The following CCDC148 variants were observed in gnomAD, a reference collection of about 807,000 sequenced individuals.
The protein encoded by CCDC148 is coiled-coil domain-containing protein 148.
Under a neutral mutation model 85.7 loss-of-function variants are expected in CCDC148, and 89 were observed. That is an observed-to-expected ratio of 1.04 (90% CI 0.87 to 1.24). CCDC148 has a LOEUF of 1.24. Among genes scored for constraint, CCDC148 ranks in the 50% most tolerant of loss-of-function variants. The probability of loss-of-function intolerance (pLI) is 0.00; values close to 1 mark genes in which losing one functional copy is unlikely to be tolerated. For missense variants in CCDC148, 692 were observed against 671.7 expected (o/e 1.03, Z -0.33); for synonymous variants, 230 against 213.9 (o/e 1.08, Z -0.66).
intron 1 of CCDC148, among the ~76,000 whole-genome samples, chr2:158,365,593 G>A (rs1361404724): frequency 1.3e-5 from 2 of 152,096 alleles, no homozygotes; most frequent in African/African-American, 2.4e-5. Flanking sequence ...ACTCATAAGT[G>A]GGAGTTGAAC....
At chr2:158,318,533 T>A (rs899736070) in intron 7 of CCDC148, among the ~76,000 whole-genome samples, 18 of 152,246 alleles carry the variant, frequency 1.2e-4, no homozygotes, top group African/African-American at 4.3e-4. Context: ...GCTAAGAGAT[T>A]TATTTGGAAG....
chr2:158,192,169 T>C (rs1315634945), intron 11 of CCDC148, among the ~76,000 whole-genome samples: 1 of 152,078 alleles, frequency 6.6e-6, no homozygotes, highest in Non-Finnish European at 1.5e-5. Context: ...TGTATATATC[T>C]TCTCGCCAGC....
intron 11 of CCDC148, among the ~76,000 whole-genome samples, chr2:158,218,029 T>C (rs1279088261): frequency 6.6e-6 from 1 of 152,172 alleles, no homozygotes; most frequent in Admixed American, 6.5e-5. Context: ...TTGAATTCTA[T>C]CTCCCTAAGT....
chr2:158,432,634 T>C (rs922538964), intron 1 of CCDC148, among the ~76,000 whole-genome samples: 1 of 152,212 alleles, frequency 6.6e-6, no homozygotes, highest in Non-Finnish European at 1.5e-5. Flanking sequence ...TGTACACTAT[T>C]TGACTGGCAA....
At chr2:158,383,754 C>T (rs1684973219) in intron 1 of CCDC148, among the ~76,000 whole-genome samples, 1 of 152,106 alleles carries the variant, frequency 6.6e-6, no homozygotes, top group Admixed American at 6.5e-5. Flanking sequence ...CAAACAAGGA[C>T]ATTCTACTAC....
At chr2:158,424,741 C>A (rs895784212) in intron 1 of CCDC148, 1 of 212,654 alleles carries the variant, frequency 4.7e-6, no homozygotes, top group Non-Finnish European at 9.5e-6. Flanking sequence ...AAAGAATCCC[C>A]CAAAAAGGGT....
intron 11 of CCDC148, among the ~76,000 whole-genome samples, chr2:158,208,484 C>A (rs1686374782): frequency 1.3e-5 from 2 of 152,112 alleles, no homozygotes; most frequent in Admixed American, 1.3e-4. Context: ...GGATGCTGCA[C>A]TCAGAAGCCA....
intron 11 of CCDC148, among the ~76,000 whole-genome samples, chr2:158,205,711 G>T (rs1212176126): frequency 6.6e-6 from 1 of 152,110 alleles, no homozygotes; most frequent in Non-Finnish European, 1.5e-5. Context: ...CAGCTTTTGG[G>T]AATGCCTATC....
At chr2:158,308,432 G>T (rs1014461807) in intron 9 of CCDC148, among the ~76,000 whole-genome samples, 6 of 152,064 alleles carry the variant, frequency 3.9e-5, no homozygotes, top group African/African-American at 1.4e-4. Flanking sequence ...TTCCTTTTAG[G>T]TCTCAAGCTT....
intron 1 of CCDC148, among the ~76,000 whole-genome samples, chr2:158,434,709 A>G (rs1324954815): frequency 9.4e-6 from 1 of 106,000 alleles, no homozygotes; most frequent in Non-Finnish European, 2.2e-5. Flanking sequence ...AACCCACTGC[A>G]AAGAAGCTAA....
chr2:158,255,343 G>A (rs1688969314), intron 9 of CCDC148, among the ~76,000 whole-genome samples: 2 of 151,566 alleles, frequency 1.3e-5, no homozygotes, highest in African/African-American at 4.8e-5. Context: ...TTGGAAGCTA[G>A]AGTGGTAAGA....
intron 1 of CCDC148, among the ~76,000 whole-genome samples, chr2:158,422,521 C>A (rs961839857): frequency 1.3e-5 from 2 of 152,004 alleles, no homozygotes; most frequent in African/African-American, 4.8e-5. Context: ...AGGCCTTTGA[C>A]GAAATTCAAC....
At position 158,340,283 on chromosome 2, in the gene CCDC148, G is replaced by A. The variant is rs1212874554; in HGVS notation, c.445C>T (p.His149Tyr). The change falls in exon 5 of 14, where the codon CAC becomes TAC. Residue 149 changes from histidine (H) to tyrosine (Y), a missense_variant. Physicochemically the swap from His to Tyr is moderately conservative, Grantham distance 83. Transcript: ENST00000283233. ...ATGGAGTTAAACTCAATATGTGGGT[G>A]TGAATGCTGCAAAGTGTGATGCTGT... ...YRQHHTLQHS[H>Y]PHIEFNSMKV... The A allele has an allele frequency of 1.2e-6, 2 of 1,613,938 alleles. No individual in the cohort carries two copies. The highest frequency in any genetic ancestry group is 1.7e-6 in the Non-Finnish European group (2 of 1,179,928).
intron 2 of CCDC148, among the ~76,000 whole-genome samples, chr2:158,348,533 A>C (rs1256038472): frequency 6.6e-6 from 1 of 152,042 alleles, no homozygotes; most frequent in Non-Finnish European, 1.5e-5. Flanking sequence ...ATTTAACACT[A>C]TATATTTGAA....
intron 2 of CCDC148, among the ~76,000 whole-genome samples, chr2:158,349,391 T>C (rs1268564719): frequency 6.6e-6 from 1 of 151,996 alleles, no homozygotes; most frequent in African/African-American, 2.4e-5. Context: ...AGAGAATGTG[T>C]TAGCTATGTA....
Position 158,343,822 on chromosome 2 carries a change from T to C in CCDC148, c.251+1393A>G, listed in dbSNP as rs574717895. Among the ~76,000 whole-genome samples, 252 of 152,312 alleles carry C rather than the reference T, an allele frequency of 1.7e-3. 1 individual carries two copies. Among genetic ancestry groups the C allele is most frequent in the African/African-American group, 5.9e-3 (245 of 41,586 alleles). The stretch of plus-strand genomic sequence containing the variant: ...AATTAGCCTGCATTCTAGAATAACA[T>C]AGAAACTTATCCTGGAATTCTTCAT... On this transcript the variant is annotated intron_variant, in intron 3 of 13. Coordinates refer to ENST00000283233, the MANE Select transcript of CCDC148 (RefSeq NM_138803.4).
intron 9 of CCDC148, among the ~76,000 whole-genome samples, chr2:158,262,703 C>G (rs1056809521): frequency 2.0e-5 from 3 of 151,740 alleles, no homozygotes; most frequent in African/African-American, 7.3e-5. Flanking sequence ...CACTTTTAAA[C>G]CATCAGATCT....
chr2:158,226,573 T>C (rs556137476), intron 10 of CCDC148, among the ~76,000 whole-genome samples: 1 of 152,250 alleles, frequency 6.6e-6, no homozygotes, highest in Non-Finnish European at 1.5e-5. Context: ...ACTGGCAAAC[T>C]GAATCCAGCT....
At chr2:158,327,820 T>C (rs1692859726) in intron 7 of CCDC148, among the ~76,000 whole-genome samples, 1 of 152,182 alleles carries the variant, frequency 6.6e-6, no homozygotes, top group Non-Finnish European at 1.5e-5. Flanking sequence ...TTCAGCAACA[T>C]TTGAAATTTT....
Sources: allele counts gnomAD v4.1 joint callset (sites outside exome capture counted in the v4.1 genomes callset), GRCh38; gene constraint gnomAD v4.1.1; transcripts MANE v1.5; gene names NCBI Gene and HGNC (gene_info 2026-07-23, HGNC 2026-07-21).